Variants in TIMM9 observed in about 807,000 individuals in gnomAD.
TIMM9 encodes mitochondrial import inner membrane translocase subunit Tim9.
A neutral mutation model predicts 13.4 loss-of-function variants in TIMM9; 10 were observed. That is an observed-to-expected ratio of 0.75 (90% CI 0.46 to 1.26). The LOEUF is 1.26. TIMM9 is among the 50% of genes most tolerant of loss of function. TIMM9 has a pLI of 0.00. For missense variants in TIMM9, 87 were observed against 100.8 expected (o/e 0.86, Z 0.58); for synonymous variants, 32 against 32.1 (o/e 1.00, Z 0.01).
intron 3 of TIMM9, among the ~76,000 whole-genome samples, chr14:58,413,069 T>A (rs112990703): frequency 1.9e-3 from 288 of 152,292 alleles, no homozygotes; most frequent in African/African-American, 6.8e-3. Context: ...GATTTTAACA[T>A]TTCAACATAC....
chr14:58,412,100 T>C (rs2036238832), intron 3 of TIMM9, 129 bp from the exon 4 acceptor site: 1 of 653,886 alleles, frequency 1.5e-6, no homozygotes, highest in Admixed American at 2.7e-5. Flanking sequence ...CACCCCCAAT[T>C]TCTCAGATCA....
intron 3 of TIMM9, among the ~76,000 whole-genome samples, chr14:58,422,008 C>CTGTTCT (rs1180591770): frequency 2.8e-5 from 4 of 142,576 alleles, no homozygotes; most frequent in African/African-American, 7.6e-5. Flanking sequence ...ATGCCAAAAT[C>CTGTTCT]TGTTCTTTTT....
At chr14:58,416,114 GC>G (rs1244315328) in intron 3 of TIMM9, among the ~76,000 whole-genome samples, 4 of 151,698 alleles carry the variant, frequency 2.6e-5, no homozygotes, top group African/African-American at 9.7e-5. Context: ...TGTAATCCCA[GC>G]TACTCAGGTG....
rs940108718 is a variant in TIMM9, at chr14:58,408,559, T to C, written c.*475A>G. ...TGAGGCAGACATGAATGAACAGGAC[T>C]GCTTGGAGGATGATCCTGATTGAAA... On this transcript the variant is annotated 3_prime_UTR_variant, in exon 6 of 6. Coordinates refer to ENST00000395159, the MANE Select transcript of TIMM9 (RefSeq NM_012460.4). 6.2e-7 allele frequency: 1 copy of C among 1,614,102 alleles called. No homozygotes were observed. Among genetic ancestry groups the C allele is most frequent in the Non-Finnish European group, 8.5e-7 (1 of 1,180,010 alleles).
At chr14:58,421,484 G>A (rs1279569314) in intron 3 of TIMM9, among the ~76,000 whole-genome samples, 1 of 152,146 alleles carries the variant, frequency 6.6e-6, no homozygotes, top group Non-Finnish European at 1.5e-5. Flanking sequence ...TTTGTAAGAT[G>A]TTACCATTGT....
chr14:58,409,830 A>T (rs918939711), intron 5 of TIMM9, among the ~76,000 whole-genome samples: 1 of 151,996 alleles, frequency 6.6e-6, no homozygotes, highest in Non-Finnish European at 1.5e-5. Context: ...CGCCTGCCTC[A>T]GCCTCCCAAT....
intron 3 of TIMM9, among the ~76,000 whole-genome samples, chr14:58,419,254 G>T (rs1312070741): frequency 6.6e-6 from 1 of 152,070 alleles, no homozygotes; most frequent in Admixed American, 6.6e-5. Context: ...AGGAGTTCAA[G>T]AACAACCTGG....
At chr14:58,422,954 A>C (rs1259172099) in intron 3 of TIMM9, among the ~76,000 whole-genome samples, 1 of 151,858 alleles carries the variant, frequency 6.6e-6, no homozygotes, top group Admixed American at 6.6e-5. Context: ...GATTACAGGC[A>C]TGCACTACCA....
intron 5 of TIMM9, 119 bp downstream of exon 5, chr14:58,410,724 G>T: frequency 1.5e-6 from 1 of 684,398 alleles, no homozygotes; most frequent in Non-Finnish European, 2.4e-6. Flanking sequence ...CCAAGCAATG[G>T]AACATAAAAG....
intron 3 of TIMM9, 154 bp from the exon 4 acceptor site, chr14:58,412,125 A>C: frequency 1.8e-6 from 1 of 564,044 alleles, no homozygotes; most frequent in Non-Finnish European, 3.1e-6. Flanking sequence ...TGACCATAGA[A>C]CCTTACAGTT....
intron 3 of TIMM9, among the ~76,000 whole-genome samples, chr14:58,421,992 C>T (rs1361304492): frequency 6.7e-6 from 1 of 148,440 alleles, no homozygotes; most frequent in African/African-American, 2.5e-5. Flanking sequence ...TGATTTCCTT[C>T]TTATAATGCC....
At chr14:58,415,186 T>C (rs1315107276) in intron 3 of TIMM9, among the ~76,000 whole-genome samples, 1 of 152,182 alleles carries the variant, frequency 6.6e-6, no homozygotes, top group Non-Finnish European at 1.5e-5. Flanking sequence ...TACTTCCACC[T>C]GGCAGTAATG....
Position 58,408,802 on chromosome 14 carries a change from C to A in TIMM9, c.*232G>T, listed in dbSNP as rs574289271. On this transcript the variant is annotated 3_prime_UTR_variant, in exon 6 of 6. Transcript: ENST00000395159. ...GTGACCAAGCTGCTGAATCATAAGG[C>A]CTCAACAAATGTTGCATCTTATTAT... 9.0e-5 allele frequency: 61 copies of A among 678,588 alleles called. No homozygotes were observed. The African/African-American group carries it at 1.0e-3, about 11-fold the overall frequency. The allele number at this position is 678,588 out of a possible 1,614,324, so 42.0% of individuals were successfully genotyped here. A position where few individuals can be genotyped will look rare whatever the true frequency, so the allele number is the denominator to read the frequency against.
At chr14:58,417,164 T>G (rs547065375) in intron 3 of TIMM9, among the ~76,000 whole-genome samples, 5 of 152,160 alleles carry the variant, frequency 3.3e-5, no homozygotes, top group African/African-American at 1.2e-4. Context: ...TCAGCCATGA[T>G]TGTGAGGCCT....
At chr14:58,418,674 C>T (rs1039474439) in intron 3 of TIMM9, among the ~76,000 whole-genome samples, 3 of 151,778 alleles carry the variant, frequency 2.0e-5, no homozygotes, top group Non-Finnish European at 4.4e-5. Context: ...CACATGTATA[C>T]TGAAAGTAAA....
In TIMM9 at chr14:58,410,920, T is replaced by A. The variant is rs2036194533; in HGVS notation, c.58A>T (p.Thr20Ser). 5.0e-6 allele frequency: 8 copies of A among 1,612,482 alleles called. No individual in the cohort carries two copies. Among genetic ancestry groups the A allele is most frequent in the Admixed American group, 1.7e-5 (1 of 59,662 alleles). Reference protein sequence around the residue: ...QIKQFKEFLGTYNKLTETCFL... With the variant: ...QIKQFKEFLGSYNKLTETCFL... ...CAGGTCTCTGTAAGTTTATTGTAGG[T>A]CCCCAGAAATTCCTTAAACTACAAA... The change falls in exon 5 of 6, where the codon ACC becomes TCC. Residue 20 changes from threonine (T) to serine (S), a missense_variant. Coordinates refer to ENST00000395159, the MANE Select transcript of TIMM9 (RefSeq NM_012460.4).
In TIMM9 at chr14:58,424,067, G is replaced by A. The variant is rs1389017651; in HGVS notation, c.-86C>T. The A allele has an allele frequency of 6.6e-6, 1 of 152,140 alleles. No individual in the cohort carries two copies. Among genetic ancestry groups the A allele is most frequent in the African/African-American group, 2.4e-5 (1 of 41,428 alleles). 9.4% of individuals were successfully genotyped at this position (152,140 alleles called of 1,614,324 possible). On this transcript the variant is annotated 5_prime_UTR_variant, in exon 3 of 6. Coordinates refer to ENST00000395159, the MANE Select transcript of TIMM9 (RefSeq NM_012460.4). ...AAAAGTAGTTGTCCAACCTTTGCTT[G>A]AATGTCTCCAATAAGGCCTGATTCT...
chr14:58,409,519 C>T (rs978352387), intron 5 of TIMM9, among the ~76,000 whole-genome samples: 12 of 152,124 alleles, frequency 7.9e-5, no homozygotes, highest in African/African-American at 2.9e-4. Flanking sequence ...AAGTTTGTTC[C>T]TTTTTAATGA....
At chr14:58,424,121 T>G (rs1403325631) in intron 2 of TIMM9, 26 bp from the exon 3 acceptor site, 2 of 152,244 alleles carry the variant, frequency 1.3e-5, no homozygotes, top group East Asian at 1.9e-4. Context: ...ATATGATTAC[T>G]AAGTCCCCTT....
Sources: allele counts gnomAD v4.1 joint callset (sites outside exome capture counted in the v4.1 genomes callset), GRCh38; gene constraint gnomAD v4.1.1; transcripts MANE v1.5; gene names NCBI Gene and HGNC (gene_info 2026-07-23, HGNC 2026-07-21).